PCDHGA4: variants seen among roughly 807,000 people sequenced by gnomAD.
PCDHGA4 encodes the protein protocadherin gamma-A4.
PCDHGA4 carries 38 observed loss-of-function variants against 54.6 expected under a neutral mutation model. That is an observed-to-expected ratio of 0.70 (90% CI 0.54 to 0.91). The LOEUF is 0.91. Among genes scored for constraint, PCDHGA4 ranks in the 40% least tolerant of loss-of-function variants. PCDHGA4 has a pLI of 0.00. For synonymous variants in PCDHGA4, 511 were observed against 512.9 expected, an observed-to-expected ratio of 1.00 and a Z score of 0.05; for missense variants, 1,298 against 1,220.9, an observed-to-expected ratio of 1.06 and a Z score of -0.94.
At chr5:141,390,922 A>G (rs935110449) in intron 1 of PCDHGA4, 8 of 152,482 alleles carry the variant, frequency 5.2e-5, no homozygotes, top group Non-Finnish European at 1.0e-4. Context: ...AAGGTCTACT[A>G]TGCTCATTAG....
intron 1 of PCDHGA4, among the ~76,000 whole-genome samples, chr5:141,450,815 A>ATTATTAT (rs1554136868): frequency 7.9e-6 from 1 of 126,684 alleles, no homozygotes; most frequent in African/African-American, 3.3e-5. Context: ...TATTTATTTA[A>ATTATTAT]TATTATTATT....
At position 141,365,321 on chromosome 5, in the gene PCDHGA4, G is replaced by T. The variant is rs552296703; in HGVS notation, c.2514+7700G>T. ...GGATGGAGGCGCTCTTGTTGCCAGC[G>T]CTAAGGTGGTGGTCACAGTACAGGA... On this transcript the variant is annotated intron_variant, in intron 1 of 3. Transcript: ENST00000571252. 6.8e-6 allele frequency: 11 copies of T among 1,613,946 alleles called. No homozygotes were observed. In the African/African-American group the frequency reaches 1.3e-4, roughly 20 times the overall value.
intron 1 of PCDHGA4, among the ~76,000 whole-genome samples, chr5:141,481,250 C>A (rs1160186962): frequency 2.6e-5 from 4 of 152,144 alleles, no homozygotes; most frequent in Non-Finnish European, 5.9e-5. Context: ...TAGCATAGCT[C>A]TAAAAGATCA....
At chr5:141,414,788 C>T in intron 1 of PCDHGA4, 1 of 1,614,222 alleles carries the variant, frequency 6.2e-7, no homozygotes, top group Non-Finnish European at 8.5e-7. Flanking sequence ...CAGGTGACAG[C>T]CAGCGACAGC....
chr5:141,360,365 T>C, intron 1 of PCDHGA4: 1 of 1,613,840 alleles, frequency 6.2e-7, no homozygotes, highest in Non-Finnish European at 8.5e-7. Flanking sequence ...TATTTCACAG[T>C]AAACCCAGAA....
At chr5:141,415,468 G>A (rs762272586) in intron 1 of PCDHGA4, 8 of 1,614,070 alleles carry the variant, frequency 5.0e-6, no homozygotes, top group East Asian at 2.2e-5. Context: ...CTCTCTCACC[G>A]CGGACTCGCG....
intron 1 of PCDHGA4, chr5:141,405,047 G>C: frequency 1.2e-6 from 2 of 1,613,944 alleles, no homozygotes; most frequent in Non-Finnish European, 1.7e-6. Flanking sequence ...GGCTGTGGCA[G>C]TCGTCTCCTG....
At chr5:141,359,042 CTG>C (rs1761096512) in intron 1 of PCDHGA4, among the ~76,000 whole-genome samples, 1 of 152,190 alleles carries the variant, frequency 6.6e-6, no homozygotes, top group Admixed American at 6.5e-5. Flanking sequence ...TAGTGATAGA[CTG>C]TGGAATATGC....
intron 1 of PCDHGA4, chr5:141,418,506 ATGG>A (rs2096264933): frequency 6.2e-7 from 1 of 1,613,860 alleles, no homozygotes; most frequent in African/African-American, 1.3e-5. Context: ...ACCGCCTTAG[ATGG>A]TGGGGACCCT....
chr5:141,405,279 C>G, intron 1 of PCDHGA4: 1 of 1,614,144 alleles, frequency 6.2e-7, no homozygotes, highest in Non-Finnish European at 8.5e-7. Flanking sequence ...CCCAACTATG[C>G]AGACACACTC....
chr5:141,422,643 C>T, intron 1 of PCDHGA4: 1 of 1,612,336 alleles, frequency 6.2e-7, no homozygotes, highest in Non-Finnish European at 8.5e-7. Flanking sequence ...GTGCCTCCAT[C>T]TTCTCAGTGA....
chr5:141,366,157 T>G, intron 1 of PCDHGA4: 1 of 1,614,080 alleles, frequency 6.2e-7, no homozygotes, highest in Non-Finnish European at 8.5e-7. Flanking sequence ...ACCGCCTGCT[T>G]AAGGCCAGCG....
At chr5:141,371,965 A>T (rs746190919) in intron 1 of PCDHGA4, 1 of 1,613,282 alleles carries the variant, frequency 6.2e-7, no homozygotes, top group South Asian at 1.1e-5. Context: ...GACCACGAGC[A>T]GCTGCGTGCC....
intron 3 of PCDHGA4, among the ~76,000 whole-genome samples, chr5:141,509,419 T>C (rs2154594533): frequency 6.6e-6 from 1 of 152,216 alleles, no homozygotes; most frequent in South Asian, 2.1e-4. Flanking sequence ...CGAGCCCCAA[T>C]GAGTCAAACT....
intron 1 of PCDHGA4, among the ~76,000 whole-genome samples, chr5:141,369,676 A>T (rs1172722090): frequency 6.6e-6 from 1 of 152,246 alleles, no homozygotes; most frequent in Non-Finnish European, 1.5e-5. Context: ...GAAGAAAGTG[A>T]AACATAGAAT....
Position 141,477,898 on chromosome 5 carries a change from A to G in PCDHGA4, c.2515-16909A>G. 1 of 1,614,158 alleles carries G rather than the reference A, an allele frequency of 6.2e-7. No homozygotes were observed. Among genetic ancestry groups the G allele is most frequent in the Middle Eastern group, 1.6e-4 (1 of 6,062 alleles). ...CTGGCCACCTAGTGTCACGGGTGGTAGGCTGGGACGCGGATGCAGGGCACA... is the reference window on the plus strand; with the variant it reads ...CTGGCCACCTAGTGTCACGGGTGGTGGGCTGGGACGCGGATGCAGGGCACA... On this transcript the variant is annotated intron_variant, in intron 1 of 3. Coordinates refer to ENST00000571252, the MANE Select transcript of PCDHGA4 (RefSeq NM_018917.4). This position sits in a 1 kb window ranked among gnomAD's most constrained non-coding sequence, Gnocchi z 4.9.
intron 1 of PCDHGA4, among the ~76,000 whole-genome samples, chr5:141,488,497 C>CA (rs1415483796): frequency 4.6e-5 from 7 of 152,204 alleles, no homozygotes; most frequent in African/African-American, 1.7e-4. Flanking sequence ...CTGTAACACT[C>CA]ATTCCACATT....
At position 141,433,142 on chromosome 5, in the gene PCDHGA4, G is replaced by T. The variant is rs2097571106; in HGVS notation, c.2515-61665G>T. On this transcript the variant is annotated intron_variant, in intron 1 of 3. Coordinates refer to ENST00000571252, the MANE Select transcript of PCDHGA4 (RefSeq NM_018917.4). ...AAAAAGCGAGCCCCTTTTGCTGTCA[G>T]GTGATTCGGTATTTTCTAAAGACAG... The T allele has an allele frequency of 4.7e-5, 76 of 1,613,992 alleles. No homozygotes were observed. Among genetic ancestry groups the T allele is most frequent in the Non-Finnish European group, 6.4e-5 (76 of 1,180,016 alleles).
intron 1 of PCDHGA4, chr5:141,385,418 A>C: frequency 6.8e-7 from 1 of 1,466,614 alleles, no homozygotes; most frequent in Non-Finnish European, 9.0e-7. Flanking sequence ...ATAGGGATTT[A>C]AAAAACTTTA....
Sources: gnomAD v4.1 joint callset for allele counts (sites outside exome capture counted in the v4.1 genomes callset) on GRCh38, gnomAD v4.1.1 for gene constraint, Gnocchi (gnomAD v3.1) non-coding constraint, MANE v1.5 for transcripts, NCBI Gene and HGNC (gene_info 2026-07-23, HGNC 2026-07-21) for gene names.